The following PCDHA3 variants were observed in gnomAD, a reference collection of about 807,000 sequenced individuals.
The protein encoded by PCDHA3 is protocadherin alpha-3.
PCDHA3 carries 41 observed loss-of-function variants against 62.2 expected under a neutral mutation model. The observed-to-expected ratio is 0.66, with a 90% CI of 0.51 to 0.86. The LOEUF (loss-of-function observed/expected upper bound fraction) is 0.86, where lower values mean the gene tolerates loss of function less well. PCDHA3 is among the 40% of genes least tolerant of loss of function. The pLI, the probability that PCDHA3 is intolerant of heterozygous loss-of-function variation, is 0.00. For missense variants in PCDHA3, 1,304 were observed against 1,241.2 expected, an observed-to-expected ratio of 1.05 and a Z score of -0.76; for synonymous variants, 640 against 555.4, an observed-to-expected ratio of 1.15 and a Z score of -2.14.
intron 1 of PCDHA3, chr5:140,808,974 C>A (rs781991192): frequency 1.2e-6 from 2 of 1,613,506 alleles, no homozygotes; most frequent in African/African-American, 1.3e-5. Flanking sequence ...AAGGTGCGCG[C>A]GGTGGATGCT....
intron 1 of PCDHA3, among the ~76,000 whole-genome samples, chr5:140,922,977 G>C (rs935363543): frequency 3.9e-5 from 6 of 152,204 alleles, no homozygotes; most frequent in Non-Finnish European, 5.9e-5. Context: ...GCATATCTCA[G>C]ACAATAGGCA....
At chr5:140,810,494 T>A (rs1554125502) in intron 1 of PCDHA3, 1 of 152,242 alleles carries the variant, frequency 6.6e-6, no homozygotes, top group East Asian at 1.9e-4. Context: ...TCTACATTTG[T>A]CAGGTTATTT....
At chr5:140,842,541 T>A in intron 1 of PCDHA3, 1 of 1,609,746 alleles carries the variant, frequency 6.2e-7, no homozygotes. Context: ...TACTACTCGT[T>A]GGTGCTGGAC....
At chr5:140,897,772 C>T (rs1393087365) in intron 1 of PCDHA3, among the ~76,000 whole-genome samples, 2 of 152,192 alleles carry the variant, frequency 1.3e-5, no homozygotes, top group Non-Finnish European at 2.9e-5. Context: ...ACACTGACTT[C>T]CACAATGGTT....
At chr5:140,934,430 G>A (rs1249557283) in intron 1 of PCDHA3, among the ~76,000 whole-genome samples, 1 of 152,108 alleles carries the variant, frequency 6.6e-6, no homozygotes, top group Non-Finnish European at 1.5e-5. Context: ...CAATGCAAGT[G>A]TAAATATAGT....
intron 1 of PCDHA3, among the ~76,000 whole-genome samples, chr5:140,909,839 C>A (rs2074714040): frequency 1.3e-5 from 2 of 152,146 alleles, no homozygotes; most frequent in Admixed American, 6.5e-5. Context: ...GGAGGACCAC[C>A]AGGACGTTTT....
intron 1 of PCDHA3, chr5:140,967,880 A>G (rs782459653): frequency 4.3e-6 from 7 of 1,614,060 alleles, no homozygotes; most frequent in Non-Finnish European, 2.5e-6. Context: ...GGACCTGTAT[A>G]GCCCAGTGCC....
intron 1 of PCDHA3, chr5:140,927,559 G>C: frequency 6.2e-7 from 1 of 1,614,170 alleles, no homozygotes; most frequent in Non-Finnish European, 8.5e-7. Flanking sequence ...CACCATCATT[G>C]TGGTGGACAC....
chr5:140,897,161 G>C (rs1554187213), intron 1 of PCDHA3, among the ~76,000 whole-genome samples: 1 of 151,938 alleles, frequency 6.6e-6, no homozygotes, highest in African/African-American at 2.4e-5. Flanking sequence ...TTCTTCTACT[G>C]TCTATCTCCA....
intron 1 of PCDHA3, among the ~76,000 whole-genome samples, chr5:140,886,084 G>C (rs1554182347): frequency 6.6e-6 from 1 of 152,140 alleles, no homozygotes; most frequent in East Asian, 1.9e-4. Flanking sequence ...CCACAACCTG[G>C]ATATTGACAT....
intron 1 of PCDHA3, chr5:140,835,898 G>A (rs2150247809): frequency 6.2e-7 from 1 of 1,611,962 alleles, no homozygotes; most frequent in African/African-American, 1.3e-5. Flanking sequence ...GCGCGCTGTC[G>A]AGCTACGTGT....
intron 1 of PCDHA3, chr5:140,850,390 G>A: frequency 6.3e-7 from 1 of 1,597,946 alleles, no homozygotes; most frequent in Non-Finnish European, 8.6e-7. Context: ...GGCGAGATCA[G>A]CACAACGCGT....
chr5:140,861,396 C>T, intron 1 of PCDHA3: 1 of 455,520 alleles, frequency 2.2e-6, no homozygotes, highest in Non-Finnish European at 4.5e-6. Context: ...GGGTCTGGAG[C>T]TTGTGGAGCT....
intron 1 of PCDHA3, among the ~76,000 whole-genome samples, chr5:140,827,112 A>G (rs768738811): frequency 2.0e-5 from 3 of 152,224 alleles, no homozygotes; most frequent in Non-Finnish European, 4.4e-5. Context: ...TGTATAGGTG[A>G]AAGTGACAAT....
chr5:140,897,999 G>A (rs1411789620), intron 1 of PCDHA3, among the ~76,000 whole-genome samples: 3 of 152,142 alleles, frequency 2.0e-5, no homozygotes, highest in East Asian at 1.9e-4. Context: ...TTTGAGAAGT[G>A]TCTGTTCATA....
chr5:140,954,354 C>T lies in PCDHA3; in HGVS notation c.2395-24595C>T, dbSNP rs982671490. ...TTCTGCCTCTAGATCTTTGAGGAAT[C>T]GCCACACAGTCTCCCACAATGAGTG... is the stretch of plus-strand genomic sequence containing the variant. On this transcript the variant is annotated intron_variant, in intron 1 of 3. Transcript: ENST00000522353. Among the ~76,000 whole-genome samples the T allele has an allele frequency of 3.3e-5, 5 of 152,286 alleles. No homozygotes were observed. The East Asian group carries it at 5.8e-4, about 18-fold the overall frequency.
intron 1 of PCDHA3, among the ~76,000 whole-genome samples, chr5:140,911,977 T>G (rs1554195068): frequency 1.3e-5 from 2 of 152,180 alleles, no homozygotes; most frequent in African/African-American, 4.8e-5. Context: ...TTAACTCACA[T>G]GATCACAAGG....
At chr5:140,952,338 CAA>C (rs55931446) in intron 1 of PCDHA3, among the ~76,000 whole-genome samples, 119 of 135,000 alleles carry the variant, frequency 8.8e-4, no homozygotes, top group Admixed American at 1.8e-3. Flanking sequence ...AACTCCATCT[CAA>C]AAAAAAAAAA....
intron 1 of PCDHA3, chr5:140,868,934 G>T: frequency 2.7e-6 from 3 of 1,116,548 alleles, no homozygotes; most frequent in African/African-American, 1.6e-5. Context: ...TTTAAAGGTT[G>T]GTCTGAACAG....
Sources: gnomAD v4.1 joint callset for allele counts (sites outside exome capture counted in the v4.1 genomes callset) on GRCh38, gnomAD v4.1.1 for gene constraint, MANE v1.5 for transcripts, NCBI Gene and HGNC (gene_info 2026-07-23, HGNC 2026-07-21) for gene names.